TTC28: variants seen among roughly 807,000 people sequenced by gnomAD.
TTC28 encodes the protein tetratricopeptide repeat domain 28, also known as tetratricopeptide repeat protein 28.
Under a neutral mutation model 198.0 loss-of-function variants are expected in TTC28, and 61 were observed. The observed-to-expected ratio is 0.31, with a 90% CI of 0.25 to 0.38. The LOEUF is 0.38. TTC28 is among the 10% of genes least tolerant of loss of function. TTC28 has a pLI of 1.00. For missense variants in TTC28, 2,678 were observed against 3,164.0 expected (o/e 0.85, Z 3.69); for synonymous variants, 1,171 against 1,297.8 (o/e 0.90, Z 2.10).
intron 12 of TTC28, among the ~76,000 whole-genome samples, chr22:28,034,033 G>T (rs2146645932): frequency 6.6e-6 from 1 of 152,348 alleles, no homozygotes; most frequent in East Asian, 1.9e-4. Context: ...AAGAAAGAGA[G>T]GAGAAGGGAA....
intron 2 of TTC28, among the ~76,000 whole-genome samples, chr22:28,501,607 C>T (rs528903744): frequency 2.6e-5 from 4 of 152,250 alleles, no homozygotes; most frequent in South Asian, 2.1e-4. Context: ...ATCCCAAATA[C>T]CCCAACTTAT....
At chr22:28,036,990 T>G (rs1939383792) in intron 12 of TTC28, among the ~76,000 whole-genome samples, 2 of 151,764 alleles carry the variant, frequency 1.3e-5, no homozygotes, top group South Asian at 4.2e-4. Context: ...AATCTCTGAA[T>G]AGACCAATAG....
chr22:28,067,967 A>G (rs891639238), intron 12 of TTC28, among the ~76,000 whole-genome samples: 3 of 152,212 alleles, frequency 2.0e-5, no homozygotes, highest in Non-Finnish European at 2.9e-5. Context: ...CAGTTTATTC[A>G]TATACTATTA....
intron 2 of TTC28, among the ~76,000 whole-genome samples, chr22:28,578,692 T>C (rs991199387): frequency 6.6e-6 from 1 of 152,164 alleles, no homozygotes; most frequent in Non-Finnish European, 1.5e-5. Context: ...CACCCTTCCC[T>C]TATCCCCTGG....
At chr22:28,451,500 G>C (rs2047777303) in intron 2 of TTC28, among the ~76,000 whole-genome samples, 1 of 152,206 alleles carries the variant, frequency 6.6e-6, no homozygotes, top group South Asian at 2.1e-4. Flanking sequence ...TAATGTCATA[G>C]ATAGGTTTTT....
At chr22:28,447,689 G>A (rs949636431) in intron 2 of TTC28, among the ~76,000 whole-genome samples, 11 of 152,152 alleles carry the variant, frequency 7.2e-5, no homozygotes, top group Non-Finnish European at 1.5e-4. Flanking sequence ...TTAAACTGGG[G>A]GTGGGAATAC....
At chr22:28,388,576 G>T (rs1478977308) in intron 2 of TTC28, among the ~76,000 whole-genome samples, 1 of 152,058 alleles carries the variant, frequency 6.6e-6, no homozygotes, top group African/African-American at 2.4e-5. Context: ...TTGTAATTTG[G>T]ATTCCTAGGT....
intron 2 of TTC28, among the ~76,000 whole-genome samples, chr22:28,385,670 G>C (rs2046570424): frequency 6.6e-6 from 1 of 151,964 alleles, no homozygotes; most frequent in African/African-American, 2.4e-5. Flanking sequence ...CTCTGATCAG[G>C]TTATTTCATG....
intron 12 of TTC28, among the ~76,000 whole-genome samples, chr22:28,033,977 A>G (rs1337714770): frequency 1.3e-5 from 2 of 152,224 alleles, no homozygotes; most frequent in African/African-American, 2.4e-5. Flanking sequence ...ATATAGAAAG[A>G]CTGAATGGAC....
chr22:28,408,804 G>T (rs115144489), intron 2 of TTC28, among the ~76,000 whole-genome samples: 1 of 152,194 alleles, frequency 6.6e-6, no homozygotes, highest in Admixed American at 6.5e-5. Flanking sequence ...TGAGCTCTTC[G>T]AATGAGTCTT....
At chr22:28,670,309 C>T (rs961373453) in intron 1 of TTC28, among the ~76,000 whole-genome samples, 20 of 152,262 alleles carry the variant, frequency 1.3e-4, no homozygotes, top group Admixed American at 7.2e-4. Flanking sequence ...AGTCTCATCA[C>T]CCCATACCCA....
At chr22:28,151,052 T>C (rs1486099677) in intron 6 of TTC28, among the ~76,000 whole-genome samples, 5 of 152,210 alleles carry the variant, frequency 3.3e-5, no homozygotes, top group African/African-American at 1.2e-4. Context: ...ATGGGGGGTT[T>C]TTGACTCATA....
chr22:28,059,496 C>A (rs185337943), intron 12 of TTC28, among the ~76,000 whole-genome samples: 23 of 152,008 alleles, frequency 1.5e-4, no homozygotes, highest in African/African-American at 5.1e-4. Flanking sequence ...AATATGTATT[C>A]TTCAGTTTGG....
chr22:28,510,770 C>T (rs1301080766), intron 2 of TTC28, among the ~76,000 whole-genome samples: 1 of 151,970 alleles, frequency 6.6e-6, no homozygotes, highest in African/African-American at 2.4e-5. Flanking sequence ...CTGTCTCAGC[C>T]CAAAAGCTTC....
chr22:28,207,658 T>C (rs568036064), intron 5 of TTC28, among the ~76,000 whole-genome samples: 2 of 152,152 alleles, frequency 1.3e-5, no homozygotes, highest in South Asian at 4.2e-4. Flanking sequence ...AAAATCAGCA[T>C]CAAAGGATGG....
intron 12 of TTC28, among the ~76,000 whole-genome samples, chr22:28,089,713 A>G (rs1314233812): frequency 4.0e-5 from 6 of 150,878 alleles, no homozygotes; most frequent in Non-Finnish European, 8.9e-5. Context: ...AATAAAAAAA[A>G]TAAAGGTTTT....
chr22:28,526,999 C>G (rs1370177024), intron 2 of TTC28, among the ~76,000 whole-genome samples: 3 of 152,058 alleles, frequency 2.0e-5, no homozygotes, highest in Non-Finnish European at 4.4e-5. Flanking sequence ...CTCAGGTGAT[C>G]CACCCGCCTC....
chr22:28,236,502 A>G (rs551473368), intron 5 of TTC28, among the ~76,000 whole-genome samples: 1 of 152,186 alleles, frequency 6.6e-6, no homozygotes, highest in Non-Finnish European at 1.5e-5. Context: ...ATAGTGATAA[A>G]TAGGACACTG....
intron 2 of TTC28, among the ~76,000 whole-genome samples, chr22:28,587,353 G>C (rs984803956): frequency 6.6e-6 from 1 of 152,114 alleles, no homozygotes; most frequent in African/African-American, 2.4e-5. Flanking sequence ...CTGGGTGTGA[G>C]AGTCTGTCTC....
Sources: allele counts gnomAD v4.1 joint callset (sites outside exome capture counted in the v4.1 genomes callset), GRCh38; gene constraint gnomAD v4.1.1; transcripts MANE v1.5; gene names NCBI Gene and HGNC (gene_info 2026-07-23, HGNC 2026-07-21).